The following IMMP2L variants were observed in gnomAD, a reference collection of about 807,000 sequenced individuals.
IMMP2L encodes the protein mitochondrial inner membrane protease subunit 2.
Under a neutral mutation model 19.3 loss-of-function variants are expected in IMMP2L, and 18 were observed. The observed-to-expected ratio is 0.93, with a 90% CI of 0.64 to 1.38. The LOEUF (loss-of-function observed/expected upper bound fraction) is 1.38, where lower values mean the gene tolerates loss of function less well. IMMP2L is among the 40% of genes most tolerant of loss of function. The pLI, the probability that IMMP2L is intolerant of heterozygous loss-of-function variation, is 0.00. For missense variants in IMMP2L, 233 were observed against 218.2 expected (o/e 1.07, Z -0.43); for synonymous variants, 76 against 73.0 (o/e 1.04, Z -0.21).
At chr7:111,515,415 A>G (rs769666075) in intron 2 of IMMP2L, among the ~76,000 whole-genome samples, 1 of 152,000 alleles carries the variant, frequency 6.6e-6, no homozygotes, top group Non-Finnish European at 1.5e-5. Context: ...TTCTGTTCCA[A>G]TTTCCTGCCT....
At chr7:111,502,019 C>T (rs866889390) in intron 2 of IMMP2L, among the ~76,000 whole-genome samples, 17 of 152,146 alleles carry the variant, frequency 1.1e-4, no homozygotes, top group Middle Eastern at 6.8e-3. Context: ...TTAAAAGACA[C>T]AGACTGGCAA....
chr7:110,704,004 C>A (rs1355234041), intron 5 of IMMP2L, among the ~76,000 whole-genome samples: 1 of 151,988 alleles, frequency 6.6e-6, no homozygotes, highest in African/African-American at 2.4e-5. Flanking sequence ...TGCCACCACA[C>A]CCGGCTAATT....
chr7:111,046,870 T>C (rs1370869736), intron 3 of IMMP2L, among the ~76,000 whole-genome samples: 1 of 152,158 alleles, frequency 6.6e-6, no homozygotes, highest in Non-Finnish European at 1.5e-5. Context: ...TACTCGGGCA[T>C]TGGGCCAAGA....
intron 5 of IMMP2L, among the ~76,000 whole-genome samples, chr7:110,730,742 T>G (rs967970917): frequency 2.6e-5 from 4 of 151,884 alleles, no homozygotes; most frequent in Non-Finnish European, 5.9e-5. Context: ...AGCCAGGATG[T>G]TCTTGATCTC....
intron 1 of IMMP2L, among the ~76,000 whole-genome samples, chr7:111,544,368 A>G (rs939941573): frequency 6.6e-6 from 1 of 152,138 alleles, no homozygotes; most frequent in South Asian, 2.1e-4. Context: ...CACATTGTGT[A>G]CATGTACCCT....
rs189160076 is a variant in IMMP2L at position 111,290,101 on chromosome 7, A to G, written c.239+197137T>C. 6.6e-5 allele frequency among the ~76,000 whole-genome samples: 10 copies of G among 152,284 alleles called. No homozygotes were observed. The East Asian group carries it at 1.9e-3, about 29-fold the overall frequency. ...TCCCCAGTCTGCCACTGCACATAGAAAAGAAGGACATAGTTTAATTGCTTC... is the reference window on the plus strand; with the variant it reads ...TCCCCAGTCTGCCACTGCACATAGAGAAGAAGGACATAGTTTAATTGCTTC... On this transcript the variant is annotated intron_variant, in intron 3 of 5. Transcript: ENST00000405709.
At chr7:110,730,793 G>C (rs1796223403) in intron 5 of IMMP2L, among the ~76,000 whole-genome samples, 1 of 152,142 alleles carries the variant, frequency 6.6e-6, no homozygotes, top group South Asian at 2.1e-4. Context: ...CCAAAGTGCT[G>C]GGATTACAGG....
At chr7:111,462,027 G>A (rs1465356044) in intron 3 of IMMP2L, among the ~76,000 whole-genome samples, 1 of 151,672 alleles carries the variant, frequency 6.6e-6, no homozygotes, top group Non-Finnish European at 1.5e-5. Flanking sequence ...GGATGTGTAT[G>A]TACTATAGTA....
chr7:111,072,291 T>C (rs757395937), intron 3 of IMMP2L, among the ~76,000 whole-genome samples: 3 of 152,208 alleles, frequency 2.0e-5, no homozygotes, highest in Non-Finnish European at 2.9e-5. Flanking sequence ...TAAAAGTTGA[T>C]GAGGAATATA....
chr7:110,776,431 T>G (rs1799394578), intron 5 of IMMP2L, among the ~76,000 whole-genome samples: 1 of 151,930 alleles, frequency 6.6e-6, no homozygotes, highest in Non-Finnish European at 1.5e-5. Flanking sequence ...AGGTCTCGAG[T>G]TTGCTTTAGC....
intron 5 of IMMP2L, among the ~76,000 whole-genome samples, chr7:110,885,110 T>A (rs551749472): frequency 1.3e-5 from 2 of 152,192 alleles, no homozygotes; most frequent in South Asian, 2.1e-4. Context: ...GTATTCAATA[T>A]TAACTTATAC....
At chr7:111,460,806 A>T (rs1425997837) in intron 3 of IMMP2L, among the ~76,000 whole-genome samples, 1 of 152,118 alleles carries the variant, frequency 6.6e-6, no homozygotes, top group Non-Finnish European at 1.5e-5. Context: ...AATGGTCAAT[A>T]TAAAAATATG....
intron 3 of IMMP2L, among the ~76,000 whole-genome samples, chr7:111,386,560 A>G (rs539479480): frequency 6.6e-6 from 1 of 152,276 alleles, no homozygotes; most frequent in East Asian, 1.9e-4. Flanking sequence ...AATGTATGTG[A>G]GAGACAAAGG....
intron 3 of IMMP2L, chr7:111,124,459 T>C (rs375640347): frequency 8.7e-5 from 140 of 1,613,800 alleles, no homozygotes; most frequent in Non-Finnish European, 1.1e-4. Context: ...GACTGAAAAT[T>C]CTCATGCTGC....
chr7:111,132,322 T>C (rs2129594304), intron 3 of IMMP2L, among the ~76,000 whole-genome samples: 1 of 152,134 alleles, frequency 6.6e-6, no homozygotes, highest in Admixed American at 6.6e-5. Flanking sequence ...ATAAAGCTCT[T>C]CTCTTTCTCA....
intron 5 of IMMP2L, among the ~76,000 whole-genome samples, chr7:110,732,305 T>C (rs770320842): frequency 3.9e-5 from 6 of 152,220 alleles, no homozygotes; most frequent in African/African-American, 9.6e-5. Flanking sequence ...ATTTCTTCCA[T>C]TGATTATTAG....
chr7:110,782,168 G>T (rs1384946330), intron 5 of IMMP2L, among the ~76,000 whole-genome samples: 2 of 151,750 alleles, frequency 1.3e-5, no homozygotes, highest in Non-Finnish European at 2.9e-5. Flanking sequence ...AAATCCAGAT[G>T]TACACATAAA....
chr7:111,541,526 G>A (rs992706488), intron 1 of IMMP2L, among the ~76,000 whole-genome samples: 10 of 152,122 alleles, frequency 6.6e-5, no homozygotes, highest in African/African-American at 2.2e-4. Context: ...CACTAGGAAG[G>A]TTGTTTTCAT....
At chr7:110,708,958 G>A (rs1185919769) in intron 5 of IMMP2L, among the ~76,000 whole-genome samples, 1 of 6,192 alleles carries the variant, frequency 1.6e-4, no homozygotes, top group South Asian at 6.9e-3. Context: ...TGCAAACAGG[G>A]ACAATTTGAC....
Sources: gnomAD v4.1 joint callset for allele counts (sites outside exome capture counted in the v4.1 genomes callset) on GRCh38, gnomAD v4.1.1 for gene constraint, MANE v1.5 for transcripts, NCBI Gene and HGNC (gene_info 2026-07-23, HGNC 2026-07-21) for gene names.